The following CPAMD8 variants were observed in gnomAD, a reference collection of about 807,000 sequenced individuals.
The protein encoded by CPAMD8 is C3 and PZP like alpha-2-macroglobulin domain containing 8.
CPAMD8 carries 146 observed loss-of-function variants against 224.7 expected under a neutral mutation model. The ratio of observed to expected loss-of-function variants is 0.65; its 90% CI spans 0.57 to 0.75. The LOEUF (loss-of-function observed/expected upper bound fraction) is 0.75. Ranked by LOEUF, CPAMD8 falls within the 30% of genes least tolerant of loss-of-function variation. The pLI, the probability that CPAMD8 is intolerant of heterozygous loss-of-function variation, is 0.00. For synonymous variants in CPAMD8, 966 were observed against 1,044.6 expected, an observed-to-expected ratio of 0.92 and a Z score of 1.45; for missense variants, 2,301 against 2,537.5, an observed-to-expected ratio of 0.91 and a Z score of 2.00.
In CPAMD8 at chr19:16,898,139, C is replaced by A; in HGVS notation, c.4849-145G>T. 1 of 584,982 alleles carries A rather than the reference C, an allele frequency of 1.7e-6. No individual in the cohort carries two copies. Among genetic ancestry groups the A allele is most frequent in the Non-Finnish European group, 2.9e-6 (1 of 339,648 alleles). 36.2% of individuals were successfully genotyped at this position (584,982 alleles called of 1,614,324 possible). A position where few individuals can be genotyped will look rare whatever the true frequency, so the allele number is the denominator to read the frequency against. On this transcript the variant is annotated intron_variant, in intron 37 of 41. Transcript: ENST00000443236. The surrounding 1 kb of genome is among the most constrained non-coding windows in gnomAD (Gnocchi z 4.2). The stretch of plus-strand genomic sequence containing the variant: ...GATCCCATTTTCTTTTTTTCTTTTA[C>A]TTTTCTTTTTTTTTTTTTTTCCTGA...
intron 22 of CPAMD8, among the ~76,000 whole-genome samples, chr19:16,943,634 T>A (rs1242774047): frequency 6.6e-6 from 1 of 152,192 alleles, no homozygotes; most frequent in Non-Finnish European, 1.5e-5. Flanking sequence ...TTGACCCACA[T>A]TCATTTCTCT....
In CPAMD8 at chr19:16,985,078, T is replaced by C. The variant is rs115170771; in HGVS notation, c.1396-4392A>G. Among the ~76,000 whole-genome samples, 1,167 of 152,320 alleles carry C rather than the reference T, an allele frequency of 7.7e-3. 17 individuals carry two copies. The highest frequency in any genetic ancestry group is 0.026 in the African/African-American group (1,080 of 41,558). ...TAGGTGTGACCTAAGAAAATGGCCT[T>C]GAGGTCAGGTAAAATAATGCCTTTT... On this transcript the variant is annotated intron_variant, in intron 13 of 41. Transcript: ENST00000443236.
intron 19 of CPAMD8, among the ~76,000 whole-genome samples, chr19:16,952,554 G>A (rs941885305): frequency 3.3e-5 from 5 of 152,164 alleles, no homozygotes; most frequent in African/African-American, 1.2e-4. Context: ...ACACATGCCT[G>A]TAGGCCCAGC....
chr19:16,928,834 C>T lies in CPAMD8; in HGVS notation c.3144+108G>A, dbSNP rs116581516. The T allele has an allele frequency of 6.9e-4, 581 of 836,430 alleles. 1 individual carries two copies. In the African/African-American group the frequency reaches 8.6e-3, roughly 12 times the overall value. The allele number at this position is 836,430 out of a possible 1,614,324, so 51.8% of individuals were successfully genotyped here. On this transcript the variant is annotated intron_variant, in intron 24 of 41. Coordinates refer to ENST00000443236, the MANE Select transcript of CPAMD8 (RefSeq NM_015692.5). Reference sequence around the variant, plus strand: ...CAACTTGAGGTGGTGCTCCATGTTTCCCTTGCTCCTCCTGACCCTGGATCA... The same window carrying T: ...CAACTTGAGGTGGTGCTCCATGTTTTCCTTGCTCCTCCTGACCCTGGATCA...
intron 22 of CPAMD8, among the ~76,000 whole-genome samples, chr19:16,939,499 G>A (rs568676009): frequency 4.6e-5 from 7 of 152,150 alleles, no homozygotes; most frequent in East Asian, 1.9e-4. Flanking sequence ...ATGAGACACC[G>A]TGCCCAGCCT....
intron 32 of CPAMD8, 50 bp downstream of exon 32, chr19:16,904,176 A>ACGCCCCCCCCCCCCCCCCCACC: frequency 1.1e-6 from 1 of 937,340 alleles, no homozygotes; most frequent in Non-Finnish European, 1.7e-6. Flanking sequence ...GACTGCAGGG[A>ACGCCCCCCCCCCCCCCCCCACC]CCCCACCCAC....
chr19:16,924,278 T>G (rs1599710982), intron 26 of CPAMD8, among the ~76,000 whole-genome samples: 3 of 141,462 alleles, frequency 2.1e-5, no homozygotes, highest in Admixed American at 1.4e-4. Flanking sequence ...ATGGCGGGGG[T>G]TGATTTGGGG....
intron 22 of CPAMD8, among the ~76,000 whole-genome samples, chr19:16,940,306 G>A (rs375390815): frequency 3.3e-5 from 5 of 152,202 alleles, no homozygotes; most frequent in African/African-American, 1.2e-4. Context: ...TCCTACAGAT[G>A]TATGTGTGGG....
At chr19:17,009,722 G>A (rs12977210) in intron 5 of CPAMD8, among the ~76,000 whole-genome samples, 38,480 of 151,402 alleles carry the variant, frequency 0.25, 5,812 homozygotes, top group African/African-American at 0.43. Context: ...TGCAGTGAGC[G>A]GAGATTGCGC....
chr19:16,999,641 T>C (rs1001729262), intron 10 of CPAMD8, among the ~76,000 whole-genome samples: 3 of 151,504 alleles, frequency 2.0e-5, no homozygotes, highest in African/African-American at 7.3e-5. Flanking sequence ...CATGGGTGAA[T>C]TGTATGCTAT....
intron 12 of CPAMD8, among the ~76,000 whole-genome samples, chr19:16,990,123 G>T (rs138943158): frequency 0.012 from 1,870 of 152,058 alleles, 34 homozygotes; most frequent in African/African-American, 0.042. Flanking sequence ...GAGTAGTGGC[G>T]CATGCCTGTA....
chr19:17,012,039 G>C (rs1347505081), intron 3 of CPAMD8, among the ~76,000 whole-genome samples: 1 of 151,882 alleles, frequency 6.6e-6, no homozygotes, highest in African/African-American at 2.4e-5. Context: ...TTTTTTTTTG[G>C]AGACAAGGCT....
At chr19:16,928,793 G>A (rs371694201) in intron 24 of CPAMD8, 149 bp downstream of exon 24, 47 of 518,760 alleles carry the variant, frequency 9.1e-5, no homozygotes, top group African/African-American at 6.9e-4. Flanking sequence ...TTCGGTAAGC[G>A]ACTCTAGACT....
At chr19:16,904,116 T>G in intron 32 of CPAMD8, 110 bp downstream of exon 32, 1 of 1,234,356 alleles carries the variant, frequency 8.1e-7, no homozygotes, top group Non-Finnish European at 1.1e-6. Context: ...TGGGGCTCCA[T>G]AAGGTGAGAA....
At chr19:16,943,000 T>TTTTC (rs1462528772) in intron 22 of CPAMD8, among the ~76,000 whole-genome samples, 2 of 142,132 alleles carry the variant, frequency 1.4e-5, no homozygotes, top group African/African-American at 2.8e-5. Context: ...CTTTTTTCTT[T>TTTTC]TTTCTTTTTT....
rs2054050409 is a variant in CPAMD8 at position 16,945,720 on chromosome 19, C to T, written c.2663-41G>A. 9 of 1,606,458 alleles carry T rather than the reference C, an allele frequency of 5.6e-6. 1 individual carries two copies. The highest frequency in any genetic ancestry group is 1.7e-4 in the Middle Eastern group (1 of 6,044). On this transcript the variant is annotated intron_variant, in intron 21 of 41. Transcript: ENST00000443236. ...GTCTTGGTCTCAGAACAGGTCTCCA[C>T]CCAAGATGGGGGCTGTCCCATCCCT...
rs2055211971 is a variant in CPAMD8, at chr19:16,975,124, G to A, written c.2043C>T (p.Ile681=). ...TGAAGGCAAACCCAGAGTCCTTGGT[G>A]ATGCCCCAAGGCCACGGGAAGACAG... ...RSSVFPWPWG[I]TKDSGFAFTE... The change falls in exon 17 of 42, where the codon ATC becomes ATT. Residue 681 remains isoleucine (I), a synonymous_variant. Coordinates refer to ENST00000443236, the MANE Select transcript of CPAMD8 (RefSeq NM_015692.5). 1 of 1,612,712 alleles carries A rather than the reference G, an allele frequency of 6.2e-7. No homozygotes were observed. The highest frequency in any genetic ancestry group is 8.5e-7 in the Non-Finnish European group (1 of 1,179,732).
intron 41 of CPAMD8, chr19:16,894,617 C>T: frequency 2.7e-6 from 1 of 374,890 alleles, no homozygotes; most frequent in Non-Finnish European, 5.5e-6. Flanking sequence ...ACAACTCTGC[C>T]TCCTTTCCCC....
intron 22 of CPAMD8, among the ~76,000 whole-genome samples, chr19:16,944,896 G>A (rs62129669): frequency 0.18 from 27,398 of 149,168 alleles, 3,206 homozygotes; most frequent in South Asian, 0.34. Flanking sequence ...GGGGCTGTTG[G>A]TGCGGCACCA....
Sources: gnomAD v4.1 joint callset for allele counts (sites outside exome capture counted in the v4.1 genomes callset) on GRCh38, gnomAD v4.1.1 for gene constraint, Gnocchi (gnomAD v3.1) non-coding constraint, MANE v1.5 for transcripts, NCBI Gene and HGNC (gene_info 2026-07-23, HGNC 2026-07-21) for gene names.